Variants in FAM110A observed in about 807,000 individuals in gnomAD.
FAM110A encodes the protein family with sequence similarity 110 member A.
FAM110A carries 1 observed loss-of-function variant against 4.0 expected under a neutral mutation model. That is an observed-to-expected ratio of 0.25 (90% CI 0.09 to 1.20). The LOEUF is 1.20. Ranked by LOEUF, FAM110A falls within the 50% of genes most tolerant of loss-of-function variation. FAM110A has a pLI of 0.50. For missense variants in FAM110A, 436 were observed against 429.2 expected, an observed-to-expected ratio of 1.02 and a Z score of -0.14; for synonymous variants, 217 against 196.8, an observed-to-expected ratio of 1.10 and a Z score of -0.86.
intron 1 of FAM110A, among the ~76,000 whole-genome samples, chr20:844,414 C>CTT (rs1175064805): frequency 7.1e-6 from 1 of 140,818 alleles, no homozygotes; most frequent in Non-Finnish European, 1.5e-5. Context: ...TAGCGCGTGC[C>CTT]TTGCCCTGTC....
Position 836,249 on chromosome 20 carries a change from G to A in FAM110A, c.-98+2298G>A, listed in dbSNP as rs1166224875. 8.3e-5 allele frequency: 11 copies of A among 132,510 alleles called. 1 individual carries two copies. Among genetic ancestry groups the A allele is most frequent in the Non-Finnish European group, 7.7e-5 (5 of 64,618 alleles). The allele number at this position is 132,510 out of a possible 1,614,324, so 8.2% of individuals were successfully genotyped here. The stretch of plus-strand genomic sequence containing the variant: ...TGGCTCTAAATTTTACATTTTTTGG[G>A]GGGGGGGGTGGGGTGGGGCAGTGAA... On this transcript the variant is annotated intron_variant, in intron 1 of 1. Transcript: ENST00000381941.
chr20:844,633 CCT>C (rs1980148432), intron 1 of FAM110A, 73 bp from the exon 2 acceptor site: 4 of 1,090,202 alleles, frequency 3.7e-6, no homozygotes, highest in Non-Finnish European at 4.8e-6. Context: ...GGCGTCTTAT[CCT>C]CTCAGCCGCG....
chr20:839,331 G>A (rs897486069), intron 1 of FAM110A: 26 of 442,206 alleles, frequency 5.9e-5, no homozygotes, highest in African/African-American at 3.6e-4. Flanking sequence ...GATTAAATTA[G>A]TTAACATTTT....
At chr20:844,658 TGTCTGAGC>T (rs1980152691) in intron 1 of FAM110A, 42 bp from the exon 2 acceptor site, 1 of 1,288,568 alleles carries the variant, frequency 7.8e-7, no homozygotes, top group Admixed American at 3.7e-5. Flanking sequence ...TGAGCCTCTT[TGTCTGAGC>T]GCGCTCGGCT....
intron 1 of FAM110A, among the ~76,000 whole-genome samples, chr20:837,145 C>T (rs1304938044): frequency 2.6e-5 from 4 of 151,032 alleles, no homozygotes; most frequent in African/African-American, 4.9e-5. Flanking sequence ...CTCTGTGTCC[C>T]GGGTTCAAAT....
rs71191980 is a variant in FAM110A, at chr20:837,045, G to GTTTT, written c.-98+3115_-98+3118dup. 3.3e-3 allele frequency among the ~76,000 whole-genome samples: 270 copies of GTTTT among 82,892 alleles called. 6 individuals are homozygous for GTTTT. The highest frequency in any genetic ancestry group is 3.9e-3 in the Non-Finnish European group (168 of 42,960). 54.4% of individuals were successfully genotyped at this position (82,892 alleles called of 152,430 possible). ...ATGTCTGTTCAAGTGACTCTGCATT[G>GTTTT]TTTTTTTTTTTTTTTTTTTTTTTTG... On this transcript the variant is annotated intron_variant, in intron 1 of 1. Transcript: ENST00000381941.
intron 1 of FAM110A, among the ~76,000 whole-genome samples, chr20:844,204 C>T (rs1271736551): frequency 1.3e-5 from 2 of 152,068 alleles, no homozygotes; most frequent in African/African-American, 4.8e-5. Flanking sequence ...TTTTCTTGGT[C>T]ATTTAACCCT....
intron 1 of FAM110A, among the ~76,000 whole-genome samples, chr20:843,942 A>C (rs1407652340): frequency 1.3e-5 from 2 of 152,206 alleles, no homozygotes; most frequent in Admixed American, 1.3e-4. Flanking sequence ...TGATGTTTCC[A>C]CGTGACAGGC....
intron 1 of FAM110A, chr20:839,956 G>A (rs930842064): frequency 3.5e-5 from 53 of 1,504,352 alleles, no homozygotes; most frequent in Non-Finnish European, 4.5e-5. Flanking sequence ...ATGGCAATCC[G>A]GTTCTTCTTA....
intron 1 of FAM110A, among the ~76,000 whole-genome samples, chr20:841,581 C>T (rs1054844173): frequency 1.3e-5 from 2 of 152,098 alleles, no homozygotes; most frequent in East Asian, 3.9e-4. Context: ...CAAAAGCCAG[C>T]CTGGGGATCT....
chr20:845,389 T>C lies in FAM110A; in HGVS notation c.585T>C (p.Phe195=). The change falls in exon 2 of 2, where the codon TTT becomes TTC. Residue 195 remains phenylalanine (F), a synonymous_variant. Coordinates refer to ENST00000381941, the MANE Select transcript of FAM110A (RefSeq NM_001042353.3). Reference sequence around the variant, plus strand: ...CCAAGTCGGACTTGAGCGAGCGCTTTTCTAGGGCAGCCGCTGATCTCGAGC... The same window carrying C: ...CCAAGTCGGACTTGAGCGAGCGCTTCTCTAGGGCAGCCGCTGATCTCGAGC... ...QRSKSDLSER[F]SRAAADLERF... The C allele has an allele frequency of 1.9e-6, 3 of 1,613,324 alleles. No individual in the cohort carries two copies. The highest frequency in any genetic ancestry group is 2.5e-6 in the Non-Finnish European group (3 of 1,179,794).
At chr20:842,233 C>G (rs371761027) in intron 1 of FAM110A, among the ~76,000 whole-genome samples, 5 of 152,244 alleles carry the variant, frequency 3.3e-5, no homozygotes, top group East Asian at 1.9e-4. Flanking sequence ...GGCGCCAAAC[C>G]CGGGGTTGGC....
At position 844,966 on chromosome 20, in the gene FAM110A, C is replaced by G; in HGVS notation, c.162C>G (p.Val54=). Residue 54 remains valine, a synonymous_variant, in exon 2 of 2, where the codon GTC becomes GTG. Transcript: ENST00000381941. ...ERLEADKAKY[V]KSLHVANTRQ... is the part of the protein sequence containing the mutation. ...TGGAGGCCGACAAGGCCAAGTACGT[C>G]AAGAGCCTGCACGTGGCCAACACCC... The G allele has an allele frequency of 1.9e-6, 3 of 1,595,152 alleles. No homozygotes were observed. Among genetic ancestry groups the G allele is most frequent in the Non-Finnish European group, 2.6e-6 (3 of 1,171,680 alleles).
chr20:836,483 T>C (rs1979582961), intron 1 of FAM110A, among the ~76,000 whole-genome samples: 1 of 152,228 alleles, frequency 6.6e-6, no homozygotes, highest in African/African-American at 2.4e-5. Flanking sequence ...GTGTCTGGCT[T>C]ATTTCACTTA....
In FAM110A at chr20:844,690, C is replaced by G; in HGVS notation, c.-97-18C>G. 183 of 946,270 alleles carry G rather than the reference C, an allele frequency of 1.9e-4. No homozygotes were observed. Among genetic ancestry groups the G allele is most frequent in the East Asian group, 2.5e-4 (7 of 27,646 alleles). 58.6% of individuals were successfully genotyped at this position (946,270 alleles called of 1,614,324 possible). On this transcript the variant is annotated intron_variant, in intron 1 of 1. Transcript: ENST00000381941. ...GCGCGCTCGGCTTTTTTTTTTTTTTCTCTCTCCTTCCCTGCAGCAGTGGCC... is the reference window on the plus strand; with the variant it reads ...GCGCGCTCGGCTTTTTTTTTTTTTTGTCTCTCCTTCCCTGCAGCAGTGGCC...
At position 844,686 on chromosome 20, in the gene FAM110A, TTTTC is replaced by T. The variant is rs1419389129; in HGVS notation, c.-97-20_-97-17del. 1.5e-6 allele frequency: 2 copies of T among 1,299,718 alleles called. No homozygotes were observed. Among genetic ancestry groups the T allele is most frequent in the African/African-American group, 3.1e-5 (2 of 65,092 alleles). The allele number at this position is 1,299,718 out of a possible 1,614,324, so 80.5% of individuals were successfully genotyped here. A position where few individuals can be genotyped will look rare whatever the true frequency, so the allele number is the denominator to read the frequency against. On this transcript the variant is annotated intron_variant, in intron 1 of 1. Coordinates refer to ENST00000381941, the MANE Select transcript of FAM110A (RefSeq NM_001042353.3). ...CTGAGCGCGCTCGGCTTTTTTTTTT[TTTTC>T]TCTCTCCTTCCCTGCAGCAGTGGCC...
intron 1 of FAM110A, among the ~76,000 whole-genome samples, chr20:835,196 CTCTCTATA>C (rs1335977517): frequency 1.6e-5 from 2 of 125,432 alleles, no homozygotes; most frequent in Admixed American, 7.7e-5. Context: ...CTCTCTCTCT[CTCTCTATA>C]TATATATATA....
intron 1 of FAM110A, among the ~76,000 whole-genome samples, chr20:838,760 G>T (rs58340386): frequency 0.013 from 1,992 of 152,100 alleles, 38 homozygotes; most frequent in African/African-American, 0.046. Flanking sequence ...AGATAAGATG[G>T]GAGATTTGGA....
In FAM110A at chr20:845,179, C is replaced by A. The variant is rs762886694; in HGVS notation, c.375C>A (p.Arg125=). The A allele has an allele frequency of 4.5e-6, 7 of 1,569,346 alleles. No individual in the cohort carries two copies. In the East Asian group the frequency reaches 1.7e-4, roughly 37 times the overall value. ...CCGTGTCCCCTGCCGAGGCCAGCCG[C>A]ACTCCTGGACGGGCCGAGGGAGCCG... ...DSPVSPAEAS[R]TPGRAEGAGR... Residue 125 remains arginine (R), a synonymous_variant, in exon 2 of 2, where the codon CGC becomes CGA. Transcript: ENST00000381941.
Sources: gnomAD v4.1 joint callset for allele counts (sites outside exome capture counted in the v4.1 genomes callset) on GRCh38, gnomAD v4.1.1 for gene constraint, MANE v1.5 for transcripts, NCBI Gene and HGNC (gene_info 2026-07-23, HGNC 2026-07-21) for gene names.